The following SLC12A7 variants were observed in gnomAD, a reference collection of about 807,000 sequenced individuals.
SLC12A7 encodes the protein solute carrier family 12 member 7.
In SLC12A7, 100 loss-of-function variants were observed where a neutral mutation model predicts 120.6. The ratio of observed to expected loss-of-function variants is 0.83; its 90% CI spans 0.71 to 0.98. SLC12A7 has a LOEUF of 0.98. SLC12A7 is among the 50% of genes least tolerant of loss of function. SLC12A7 has a pLI of 0.00. For missense variants in SLC12A7, 1,373 were observed against 1,548.1 expected (o/e 0.89, Z 1.90); for synonymous variants, 760 against 678.0 (o/e 1.12, Z -1.88).
the SLC12A7 span, among the ~76,000 whole-genome samples, chr5:1,134,042 C>T: frequency 6.6e-6 from 1 of 152,198 alleles, no homozygotes; most frequent in Non-Finnish European, 1.5e-5. Flanking sequence ...AGACCCACCC[C>T]AGACAGCCAG....
chr5:1,147,008 C>T, the SLC12A7 span, among the ~76,000 whole-genome samples: 2,933 of 152,326 alleles, frequency 0.019, 89 homozygotes, highest in African/African-American at 0.066. Flanking sequence ...AAATATTTCA[C>T]AGACTTTCGC....
intron 14 of SLC12A7, 107 bp from the exon 15 acceptor site, chr5:1,075,597 C>T (rs935094413): frequency 6.9e-6 from 10 of 1,448,450 alleles, no homozygotes; most frequent in Non-Finnish European, 8.3e-6. Flanking sequence ...TCTCTGTTAA[C>T]ACTAGGAAAA....
the SLC12A7 span, among the ~76,000 whole-genome samples, chr5:1,153,096 T>C: frequency 6.6e-6 from 1 of 152,178 alleles, no homozygotes; most frequent in South Asian, 2.1e-4. Flanking sequence ...GCTGGAGCCA[T>C]CCTCCTCCAA....
upstream of SLC12A7, among the ~76,000 whole-genome samples, chr5:1,116,931 C>A (rs1743348041): frequency 6.6e-6 from 1 of 152,176 alleles, no homozygotes; most frequent in African/African-American, 2.4e-5. Flanking sequence ...GGCAGACACG[C>A]AGCCCTTCAG....
chr5:1,069,093 G>A (rs1226200038), intron 17 of SLC12A7, among the ~76,000 whole-genome samples: 1 of 152,242 alleles, frequency 6.6e-6, no homozygotes, highest in African/African-American at 2.4e-5. Flanking sequence ...AGCAGCTAAC[G>A]CCTGAACCCG....
At chr5:1,088,631 A>T (rs1740150761) in intron 4 of SLC12A7, among the ~76,000 whole-genome samples, 2 of 152,262 alleles carry the variant, frequency 1.3e-5, no homozygotes, top group Admixed American at 1.3e-4. Flanking sequence ...ATCAAAACAC[A>T]GGGTGTCCCT....
intron 1 of SLC12A7, among the ~76,000 whole-genome samples, chr5:1,103,710 CA>C (rs1227718115): frequency 1.3e-5 from 2 of 152,262 alleles, no homozygotes; most frequent in African/African-American, 4.8e-5. Flanking sequence ...CCAGGGGCTA[CA>C]GCCCCCAGAC....
At chr5:1,128,310 C>T in the SLC12A7 span, among the ~76,000 whole-genome samples, 2 of 152,220 alleles carry the variant, frequency 1.3e-5, no homozygotes, top group Admixed American at 6.5e-5. Context: ...AATCCCAGGA[C>T]GAGCTCTCAC....
chr5:1,074,205 C>T (rs1738059898), intron 16 of SLC12A7, among the ~76,000 whole-genome samples: 2 of 151,724 alleles, frequency 1.3e-5, no homozygotes, highest in South Asian at 4.2e-4. Flanking sequence ...ACCCGAGGCC[C>T]CCGCCGAGGC....
chr5:1,095,021 G>GC (rs1554021181), intron 1 of SLC12A7, among the ~76,000 whole-genome samples: 3 of 123,906 alleles, frequency 2.4e-5, no homozygotes, highest in South Asian at 2.8e-4. Context: ...GGAGGTGGGG[G>GC]CGGTAGGAGG....
the SLC12A7 span, among the ~76,000 whole-genome samples, chr5:1,154,767 T>C: frequency 2.1e-5 from 3 of 144,042 alleles, no homozygotes; most frequent in African/African-American, 7.5e-5. Context: ...GTCGGAGCCC[T>C]TCTGCCTGGG....
chr5:1,120,322 T>C, the SLC12A7 span, among the ~76,000 whole-genome samples: 1 of 152,096 alleles, frequency 6.6e-6, no homozygotes, highest in Admixed American at 6.5e-5. Context: ...CCACCGGCAG[T>C]GTCCGGATCA....
At chr5:1,083,358 C>T (rs1274691213) in intron 8 of SLC12A7, among the ~76,000 whole-genome samples, 1 of 152,202 alleles carries the variant, frequency 6.6e-6, no homozygotes, top group African/African-American at 2.4e-5. Flanking sequence ...CCTTTTCCCT[C>T]AACCCCCTGG....
At chr5:1,053,020 A>C (rs1236952768) in intron 23 of SLC12A7, among the ~76,000 whole-genome samples, 1 of 152,222 alleles carries the variant, frequency 6.6e-6, no homozygotes, top group East Asian at 1.9e-4. Context: ...GCTGAGCCCC[A>C]GCGGAGGTCC....
chr5:1,085,808 G>A (rs923554443), intron 6 of SLC12A7, among the ~76,000 whole-genome samples: 15 of 152,210 alleles, frequency 9.9e-5, no homozygotes, highest in Non-Finnish European at 1.9e-4. Flanking sequence ...GCAACTTCAG[G>A]ACCCGGGGCA....
chr5:1,107,500 G>C (rs1046060451), intron 1 of SLC12A7, among the ~76,000 whole-genome samples: 1 of 152,136 alleles, frequency 6.6e-6, no homozygotes, highest in African/African-American at 2.4e-5. Context: ...TCACCCTCAG[G>C]GTCCCTCAGG....
chr5:1,135,900 C>T, the SLC12A7 span, among the ~76,000 whole-genome samples: 1 of 152,174 alleles, frequency 6.6e-6, no homozygotes. Context: ...AAAACGCACT[C>T]CCCGTTTCCC....
chr5:1,090,371 T>C (rs912086880), intron 3 of SLC12A7, among the ~76,000 whole-genome samples: 1 of 152,160 alleles, frequency 6.6e-6, no homozygotes, highest in Admixed American at 6.5e-5. Context: ...TTCACTTGGT[T>C]CCCTGAGCCC....
At chr5:1,135,197 T>C in the SLC12A7 span, among the ~76,000 whole-genome samples, 1 of 152,008 alleles carries the variant, frequency 6.6e-6, no homozygotes, top group Non-Finnish European at 1.5e-5. Context: ...AGATGGAAAA[T>C]GAAAGGAGAA....
Sources: allele counts gnomAD v4.1 joint callset (sites outside exome capture counted in the v4.1 genomes callset), GRCh38; gene constraint gnomAD v4.1.1; transcripts MANE v1.5; gene names NCBI Gene and HGNC (gene_info 2026-07-23, HGNC 2026-07-21).